Variants in PPP4R2 observed in about 807,000 individuals in gnomAD.
PPP4R2 encodes serine/threonine-protein phosphatase 4 regulatory subunit 2.
Under a neutral mutation model 47.2 loss-of-function variants are expected in PPP4R2, and 13 were observed. The observed-to-expected ratio is 0.28, with a 90% CI of 0.18 to 0.44. PPP4R2 has a LOEUF of 0.44. Among genes scored for constraint, PPP4R2 ranks in the 20% least tolerant of loss-of-function variants. PPP4R2 has a pLI of 1.00. For missense variants in PPP4R2, 421 were observed against 491.2 expected, an observed-to-expected ratio of 0.86 and a Z score of 1.35; for synonymous variants, 151 against 163.3, an observed-to-expected ratio of 0.92 and a Z score of 0.57.
chr3:73,009,373 T>C (rs1213660093), intron 2 of PPP4R2, among the ~76,000 whole-genome samples: 1 of 152,200 alleles, frequency 6.6e-6, no homozygotes, highest in Non-Finnish European at 1.5e-5. Context: ...TGAGAAGCAG[T>C]TGTCTATATT....
In PPP4R2 at chr3:73,015,423, C is replaced by T. The variant is rs549485777; in HGVS notation, c.116+17265C>T. ...AACTCCTGGCCTCAAGTAATCCACC[C>T]GCGTTGGCCTCCCAAAGTTGGGATT... On this transcript the variant is annotated intron_variant, in intron 2 of 8. Transcript: ENST00000356692. Among the ~76,000 whole-genome samples, 8 of 151,958 alleles carry T rather than the reference C, an allele frequency of 5.3e-5. No homozygotes were observed. The East Asian group carries it at 5.8e-4, about 11-fold the overall frequency.
chr3:73,061,891 A>G, intron 5 of PPP4R2: 1 of 535,992 alleles, frequency 1.9e-6, no homozygotes, highest in Non-Finnish European at 3.3e-6. Context: ...AATGTTCCCA[A>G]GAATATAGTT....
intron 2 of PPP4R2, among the ~76,000 whole-genome samples, chr3:73,026,701 AT>A (rs11365723): frequency 0.53 from 80,263 of 151,576 alleles, 21,607 homozygotes; most frequent in African/African-American, 0.62. Context: ...GATTTTTGCG[AT>A]TTTTTTTTAA....
intron 2 of PPP4R2, among the ~76,000 whole-genome samples, chr3:73,007,469 T>C (rs982998272): frequency 1.9e-5 from 2 of 105,520 alleles, no homozygotes; most frequent in Non-Finnish European, 4.0e-5. Flanking sequence ...TGTTTTTTTC[T>C]GTTTTTTGTT....
intron 2 of PPP4R2, among the ~76,000 whole-genome samples, chr3:73,004,442 C>G (rs1701551622): frequency 6.6e-6 from 1 of 152,080 alleles, no homozygotes; most frequent in Non-Finnish European, 1.5e-5. Flanking sequence ...ATTGTTTCCC[C>G]CCAGTAAAAC....
chr3:73,033,820 G>T (rs1020669125), intron 2 of PPP4R2, among the ~76,000 whole-genome samples: 3 of 152,116 alleles, frequency 2.0e-5, no homozygotes, highest in African/African-American at 7.2e-5. Flanking sequence ...ATGCTTTCAG[G>T]GTTCAGGGTT....
chr3:72,999,091 G>GAAA (rs939282026), intron 2 of PPP4R2, among the ~76,000 whole-genome samples: 6 of 152,082 alleles, frequency 3.9e-5, no homozygotes, highest in Admixed American at 1.3e-4. Context: ...ATTTTAGAAA[G>GAAA]AAAAAAACCT....
chr3:73,001,594 G>A (rs893815982), intron 2 of PPP4R2, among the ~76,000 whole-genome samples: 1 of 151,986 alleles, frequency 6.6e-6, no homozygotes, highest in African/African-American at 2.4e-5. Flanking sequence ...ATGCACACTT[G>A]CACACTTATG....
At chr3:73,031,655 A>G (rs1488123680) in intron 2 of PPP4R2, among the ~76,000 whole-genome samples, 1 of 152,212 alleles carries the variant, frequency 6.6e-6, no homozygotes, top group African/African-American at 2.4e-5. Flanking sequence ...CTGATGAAAG[A>G]GGATATTTAA....
intron 3 of PPP4R2, among the ~76,000 whole-genome samples, chr3:73,048,887 T>G (rs1464794656): frequency 6.6e-6 from 1 of 152,186 alleles, no homozygotes; most frequent in Admixed American, 6.5e-5. Context: ...TGTCAAACCC[T>G]TAGGCCTTGA....
chr3:73,062,350 C>G lies in PPP4R2; in HGVS notation c.419+1290C>G, dbSNP rs1218341569. ...AAAAACAGACAGTATCCACTGGATG[C>G]ATTGGAACCCCAACCCAGCATTGGG... On this transcript the variant is annotated intron_variant, in intron 5 of 8. Transcript: ENST00000356692. 3 of 1,606,912 alleles carry G rather than the reference C, an allele frequency of 1.9e-6. No individual in the cohort carries two copies. The Admixed American group carries it at 5.2e-5, about 28-fold the overall frequency.
chr3:72,999,481 C>T (rs1701416902), intron 2 of PPP4R2, among the ~76,000 whole-genome samples: 1 of 152,202 alleles, frequency 6.6e-6, no homozygotes, highest in Non-Finnish European at 1.5e-5. Context: ...AGCCAAATAG[C>T]ATTTTACTTT....
rs565699784 is a variant in PPP4R2 at position 73,039,774 on chromosome 3, C to T, written c.117-7412C>T. Reference sequence around the variant, plus strand: ...CCAACTTGAAAATGTCAGCAGTGGCCGGGCCTGGTGGCTCACGTCTGTAAT... The same window carrying T: ...CCAACTTGAAAATGTCAGCAGTGGCTGGGCCTGGTGGCTCACGTCTGTAAT... On this transcript the variant is annotated intron_variant, in intron 2 of 8. Coordinates refer to ENST00000356692, the MANE Select transcript of PPP4R2 (RefSeq NM_174907.4). Among the ~76,000 whole-genome samples the T allele has an allele frequency of 2.0e-5, 3 of 152,202 alleles. No individual in the cohort carries two copies. In the South Asian group the frequency reaches 6.2e-4, roughly 32 times the overall value.
At chr3:73,046,227 A>C (rs1046788023) in intron 2 of PPP4R2, among the ~76,000 whole-genome samples, 1 of 152,200 alleles carries the variant, frequency 6.6e-6, no homozygotes, top group Admixed American at 6.5e-5. Context: ...GTCAGCCCTT[A>C]TTCTTTTGAC....
intron 4 of PPP4R2, among the ~76,000 whole-genome samples, chr3:73,059,991 G>A (rs1367199723): frequency 6.6e-6 from 1 of 151,898 alleles, no homozygotes; most frequent in Non-Finnish European, 1.5e-5. Context: ...GGTGTTTAAG[G>A]GAATGAAAAG....
intron 2 of PPP4R2, among the ~76,000 whole-genome samples, chr3:73,023,431 C>T (rs1365266550): frequency 6.6e-6 from 1 of 152,136 alleles, no homozygotes; most frequent in African/African-American, 2.4e-5. Flanking sequence ...GGTGATCCAC[C>T]CGCCTTGGCC....
chr3:73,063,224 T>A (rs999855360), intron 5 of PPP4R2: 1 of 356,260 alleles, frequency 2.8e-6, no homozygotes, highest in African/African-American at 2.2e-5. Context: ...CTCCCTTTGC[T>A]TCAAATGGCA....
chr3:73,012,739 A>G (rs1701750126), intron 2 of PPP4R2, among the ~76,000 whole-genome samples: 1 of 152,120 alleles, frequency 6.6e-6, no homozygotes, highest in Non-Finnish European at 1.5e-5. Context: ...TTTATTAGGG[A>G]TACTGTTGTC....
chr3:73,065,745 A>T lies in PPP4R2; in HGVS notation c.*23A>T. The T allele has an allele frequency of 6.6e-7, 1 of 1,504,500 alleles. No individual in the cohort carries two copies. The allele number at this position is 1,504,500 out of a possible 1,614,324, so 93.2% of individuals were successfully genotyped here. ...TAACTATTTAGAAACATTTAGATGC[A>T]GTATTTTACATACAGTTCTGGTTTT... On this transcript the variant is annotated 3_prime_UTR_variant, in exon 9 of 9. Coordinates refer to ENST00000356692, the MANE Select transcript of PPP4R2 (RefSeq NM_174907.4).
Sources: gnomAD v4.1 joint callset for allele counts (sites outside exome capture counted in the v4.1 genomes callset) on GRCh38, gnomAD v4.1.1 for gene constraint, MANE v1.5 for transcripts, NCBI Gene and HGNC (gene_info 2026-07-23, HGNC 2026-07-21) for gene names.